Variants in LIPI observed in about 807,000 individuals in gnomAD.
LIPI encodes the protein lipase I.
In LIPI, 59 loss-of-function variants were observed where a neutral mutation model predicts 50.6. The ratio of observed to expected loss-of-function variants is 1.16; its 90% CI spans 0.94 to 1.45. LIPI has a LOEUF of 1.45. Ranked by LOEUF, LIPI falls within the 40% of genes most tolerant of loss-of-function variation. LIPI has a pLI of 0.00. For synonymous variants in LIPI, 203 were observed against 178.2 expected, an observed-to-expected ratio of 1.14 and a Z score of -1.11; for missense variants, 586 against 536.3, an observed-to-expected ratio of 1.09 and a Z score of -0.92.
Position 14,210,863 on chromosome 21 carries a change from C to A in LIPI, c.-18G>T. ...ACTCTCATTTGGAATCTGAGAAAAG[C>A]AAAAACAGCACTCAATTCACCAAAA... On this transcript the variant is annotated 5_prime_UTR_variant, in exon 1 of 10. Coordinates refer to ENST00000681601, the MANE Select transcript of LIPI (RefSeq NM_001302998.2). 8.2e-7 allele frequency: 1 copy of A among 1,225,942 alleles called. No homozygotes were observed. Among genetic ancestry groups the A allele is most frequent in the South Asian group, 1.4e-5 (1 of 69,988 alleles). The allele number at this position is 1,225,942 out of a possible 1,614,324, so 75.9% of individuals were successfully genotyped here.
chr21:14,128,144 T>A (rs958241070), intron 9 of LIPI, among the ~76,000 whole-genome samples: 1 of 152,078 alleles, frequency 6.6e-6, no homozygotes, highest in Non-Finnish European at 1.5e-5. Context: ...AGACACTGTG[T>A]CATATAATGT....
chr21:14,163,092 G>GTATA (rs35083103), intron 7 of LIPI, among the ~76,000 whole-genome samples: 1 of 148,750 alleles, frequency 6.7e-6, no homozygotes, highest in African/African-American at 2.5e-5. Flanking sequence ...TGTTCAGACT[G>GTATA]TATATATATA....
intron 1 of LIPI, among the ~76,000 whole-genome samples, chr21:14,206,297 C>T (rs554812537): frequency 1.9e-4 from 29 of 152,078 alleles, no homozygotes; most frequent in Middle Eastern, 3.4e-3. Flanking sequence ...CTCTGAGTCT[C>T]AGTTTCCTCA....
At chr21:14,162,065 T>TGATA (rs562252357) in intron 7 of LIPI, among the ~76,000 whole-genome samples, 2 of 148,708 alleles carry the variant, frequency 1.3e-5, no homozygotes, top group East Asian at 2.0e-4. Context: ...CTACCCCTAT[T>TGATA]GATAGATAGA....
intron 4 of LIPI, among the ~76,000 whole-genome samples, chr21:14,171,034 A>G (rs200043545): frequency 6.6e-6 from 1 of 150,426 alleles, no homozygotes; most frequent in African/African-American, 2.4e-5. Context: ...ATACAAAATC[A>G]ATGTGCAAAA....
At chr21:14,114,831 A>G (rs1324250704) in intron 9 of LIPI, among the ~76,000 whole-genome samples, 2 of 152,192 alleles carry the variant, frequency 1.3e-5, no homozygotes, top group African/African-American at 4.8e-5. Flanking sequence ...TCATAATCAA[A>G]TTGCTCAAAA....
intron 7 of LIPI, among the ~76,000 whole-genome samples, chr21:14,155,807 TTAGAGA>T (rs1274252108): frequency 2.0e-4 from 30 of 151,982 alleles, no homozygotes; most frequent in African/African-American, 7.2e-4. Context: ...AGAATTATCC[TTAGAGA>T]TAGTCAGAAG....
At chr21:14,149,542 A>C (rs913083644) in intron 8 of LIPI, among the ~76,000 whole-genome samples, 3 of 152,190 alleles carry the variant, frequency 2.0e-5, no homozygotes, top group African/African-American at 7.2e-5. Flanking sequence ...CAAAAGTCCA[A>C]GTCCAAAGTC....
chr21:14,183,879 G>A (rs1458988018), intron 3 of LIPI, among the ~76,000 whole-genome samples: 1 of 152,234 alleles, frequency 6.6e-6, no homozygotes, highest in Admixed American at 6.5e-5. Flanking sequence ...CTGTTGGTGG[G>A]ACTGTAAACT....
At chr21:14,167,639 C>A (rs2018739299) in intron 4 of LIPI, among the ~76,000 whole-genome samples, 1 of 152,192 alleles carries the variant, frequency 6.6e-6, no homozygotes, top group Admixed American at 6.5e-5. Context: ...CTCCAACAGA[C>A]CTGCAGCTGA....
rs140424585 is a variant in LIPI, at chr21:14,129,154, A to T, written c.1295+15469T>A. On this transcript the variant is annotated intron_variant, in intron 9 of 9. Transcript: ENST00000681601. Reference sequence around the variant, plus strand: ...CCTGTTCATTGAGCTGTGTATTTATAGATAAGAGAAGGCATAATGAAAGTC... The same window carrying T: ...CCTGTTCATTGAGCTGTGTATTTATTGATAAGAGAAGGCATAATGAAAGTC... Among the ~76,000 whole-genome samples the T allele has an allele frequency of 2.2e-3, 338 of 152,226 alleles. 2 individuals are homozygous for T. Among genetic ancestry groups the T allele is most frequent in the African/African-American group, 7.8e-3 (326 of 41,572 alleles).
intron 4 of LIPI, among the ~76,000 whole-genome samples, chr21:14,167,214 T>C (rs1052980965): frequency 6.6e-6 from 1 of 152,176 alleles, no homozygotes. Flanking sequence ...GCTGGGAAGC[T>C]TGAACTGGGT....
At chr21:14,191,885 A>C (rs1262290648) in intron 1 of LIPI, among the ~76,000 whole-genome samples, 3 of 152,184 alleles carry the variant, frequency 2.0e-5, no homozygotes, top group Non-Finnish European at 4.4e-5. Flanking sequence ...TTAGAAAAGG[A>C]AAGACAGTTG....
chr21:14,164,080 A>G (rs2018589687), intron 6 of LIPI, among the ~76,000 whole-genome samples: 1 of 150,582 alleles, frequency 6.6e-6, no homozygotes. Context: ...TATTATATAT[A>G]ATATGTTGAT....
intron 9 of LIPI, among the ~76,000 whole-genome samples, chr21:14,141,023 A>G (rs932832847): frequency 6.6e-6 from 1 of 152,320 alleles, no homozygotes; most frequent in South Asian, 2.1e-4. Flanking sequence ...GAATATTTGC[A>G]GAATTCTCTT....
chr21:14,189,694 C>A (rs1358124422), intron 1 of LIPI, among the ~76,000 whole-genome samples: 3 of 151,696 alleles, frequency 2.0e-5, no homozygotes, highest in Admixed American at 2.0e-4. Flanking sequence ...TGGGTGTGAG[C>A]GAAAATAAGA....
intron 7 of LIPI, among the ~76,000 whole-genome samples, chr21:14,161,485 CTAATATATAGATATCTA>C (rs1357861228): frequency 2.3e-5 from 3 of 129,964 alleles, no homozygotes; most frequent in South Asian, 4.6e-4. Context: ...AGAAATAGAT[CTAATATATAGATATCTA>C]TAATATATAG....
chr21:14,170,043 T>A (rs879556848), intron 4 of LIPI, among the ~76,000 whole-genome samples: 31 of 152,154 alleles, frequency 2.0e-4, no homozygotes, highest in South Asian at 6.2e-4. Flanking sequence ...TCACCACCCA[T>A]CCCACAGAAA....
At chr21:14,131,936 A>G (rs535273107) in intron 9 of LIPI, among the ~76,000 whole-genome samples, 1 of 152,330 alleles carries the variant, frequency 6.6e-6, no homozygotes, top group Admixed American at 6.5e-5. Flanking sequence ...AAGCTTCAAT[A>G]AGCTTCAACA....
Sources: allele counts gnomAD v4.1 joint callset (sites outside exome capture counted in the v4.1 genomes callset), GRCh38; gene constraint gnomAD v4.1.1; transcripts MANE v1.5; gene names NCBI Gene and HGNC (gene_info 2026-07-23, HGNC 2026-07-21).